RARB: variants seen among roughly 807,000 people sequenced by gnomAD.
The protein encoded by RARB is HBV-activated protein.
Under a neutral mutation model 51.9 loss-of-function variants are expected in RARB, and 17 were observed. That is an observed-to-expected ratio of 0.33 (90% CI 0.22 to 0.49). RARB has a LOEUF of 0.49. Ranked by LOEUF, RARB falls within the 20% of genes least tolerant of loss-of-function variation. RARB has a pLI of 0.99. For synonymous variants in RARB, 215 were observed against 195.4 expected (o/e 1.10, Z -0.84); for missense variants, 369 against 550.8 (o/e 0.67, Z 3.30).
intron 4 of RARB, among the ~76,000 whole-genome samples, chr3:25,136,261 G>A (rs1052028936): frequency 1.3e-5 from 2 of 151,994 alleles, no homozygotes; most frequent in African/African-American, 4.8e-5. Context: ...TGTGCAGGTT[G>A]AATTGCGTGA....
At chr3:24,934,572 T>TG (rs1299457894) in intron 2 of RARB, among the ~76,000 whole-genome samples, 1 of 152,120 alleles carries the variant, frequency 6.6e-6, no homozygotes, top group East Asian at 1.9e-4. Flanking sequence ...TCTGTCCTTT[T>TG]GTAGTTTTAT....
At chr3:24,842,804 G>T (rs1162524271) in intron 1 of RARB, among the ~76,000 whole-genome samples, 1 of 152,144 alleles carries the variant, frequency 6.6e-6, no homozygotes, top group South Asian at 2.1e-4. Context: ...ATTGATTAGA[G>T]GAAACAATAA....
intron 3 of RARB, among the ~76,000 whole-genome samples, chr3:25,065,516 G>C (rs1319957608): frequency 3.3e-5 from 5 of 152,184 alleles, no homozygotes; most frequent in African/African-American, 4.8e-5. Context: ...ATTTTCACTA[G>C]ATGTGCCACA....
exon 5 of RARB, chr3:25,174,565 G>A (rs368324313): frequency 2.2e-5 from 30 of 1,351,960 alleles, no homozygotes; most frequent in African/African-American, 3.0e-5. Flanking sequence ...GCAGCACCCC[G>A]TCGCCGGCAA....
At chr3:24,980,375 G>C (rs78500186) in intron 2 of RARB, among the ~76,000 whole-genome samples, 2 of 152,092 alleles carry the variant, frequency 1.3e-5, no homozygotes, top group African/African-American at 4.8e-5. Flanking sequence ...TTTCTAACTT[G>C]GTTCCATTCT....
intron 5 of RARB, among the ~76,000 whole-genome samples, chr3:25,343,763 T>TC (rs1705304037): frequency 6.6e-6 from 1 of 152,130 alleles, no homozygotes; most frequent in South Asian, 2.1e-4. Flanking sequence ...GACAAAAAAA[T>TC]CAGGGAATAA....
At chr3:25,031,580 A>AT in intron 2 of RARB, among the ~76,000 whole-genome samples, 1 of 152,254 alleles carries the variant, frequency 6.6e-6, no homozygotes, top group East Asian at 1.9e-4. Context: ...AAGTAGATTC[A>AT]TTTATGCCCA....
chr3:25,165,686 C>T (rs75767138), intron 4 of RARB, among the ~76,000 whole-genome samples: 3,798 of 152,198 alleles, frequency 0.025, 147 homozygotes, highest in South Asian at 0.15. Context: ...TTATACCTTA[C>T]GTTTGGGAAT....
chr3:25,035,218 T>C (rs1229817759), intron 2 of RARB, among the ~76,000 whole-genome samples: 4 of 152,078 alleles, frequency 2.6e-5, no homozygotes, highest in African/African-American at 7.2e-5. Flanking sequence ...GACTCCTGCA[T>C]TCAAGCAATC....
intron 2 of RARB, among the ~76,000 whole-genome samples, chr3:24,998,821 C>CAAA (rs10631179): frequency 0.78 from 118,736 of 151,676 alleles, 46,844 homozygotes; most frequent in East Asian, 0.94. Context: ...AATAGTGTTT[C>CAAA]AAACTTGGTT....
Position 25,569,937 on chromosome 3 carries a change from C to A in RARB, c.609+19C>A, listed in dbSNP as rs371805717. The A allele has an allele frequency of 3.0e-5, 48 of 1,609,798 alleles. No individual in the cohort carries two copies. Among genetic ancestry groups the A allele is most frequent in the Non-Finnish European group, 4.0e-5 (47 of 1,177,786 alleles). ...CACCACGGTAAGAGATACTCCTGCC[C>A]CAGGCTGCTGGGAGTGTGGAAACCT... On this transcript the variant is annotated intron_variant, in intron 4 of 7. Transcript: ENST00000330688.
chr3:24,936,052 A>T (rs1039091720), intron 2 of RARB, among the ~76,000 whole-genome samples: 9 of 152,136 alleles, frequency 5.9e-5, no homozygotes, highest in African/African-American at 2.2e-4. Flanking sequence ...GTTGCTGAGG[A>T]TCCAAAACAT....
At chr3:25,379,227 C>A (rs1463055417) in intron 5 of RARB, among the ~76,000 whole-genome samples, 2 of 152,096 alleles carry the variant, frequency 1.3e-5, no homozygotes, top group Non-Finnish European at 2.9e-5. Flanking sequence ...AACCCCATGC[C>A]AGAGCATACT....
intron 2 of RARB, among the ~76,000 whole-genome samples, chr3:24,920,654 A>G (rs913304548): frequency 2.0e-5 from 3 of 152,088 alleles, no homozygotes; most frequent in South Asian, 4.2e-4. Flanking sequence ...CTGACTCTCA[A>G]TTTTGTTTTT....
intron 2 of RARB, among the ~76,000 whole-genome samples, chr3:24,998,803 G>C (rs1697097876): frequency 9.7e-6 from 1 of 103,308 alleles, no homozygotes; most frequent in Admixed American, 1.1e-4. Context: ...AATTCCTGTA[G>C]ATATTGTAAT....
chr3:25,113,685 A>AG (rs1699640320), intron 3 of RARB, among the ~76,000 whole-genome samples: 2 of 152,148 alleles, frequency 1.3e-5, no homozygotes, highest in Admixed American at 6.6e-5. Context: ...GGTTTTGCAG[A>AG]CAGTCCTGAC....
intron 2 of RARB, among the ~76,000 whole-genome samples, chr3:24,911,234 A>G (rs999505832): frequency 2.6e-5 from 4 of 152,222 alleles, no homozygotes; most frequent in Admixed American, 2.0e-4. Flanking sequence ...ACTCAGTAAA[A>G]GAGAATTAGA....
intron 3 of RARB, among the ~76,000 whole-genome samples, chr3:25,568,229 T>A (rs1232099222): frequency 6.6e-6 from 1 of 152,160 alleles, no homozygotes; most frequent in Non-Finnish European, 1.5e-5. Flanking sequence ...GACCTGTTGG[T>A]TTCCTTAGGA....
chr3:25,478,417 G>T lies in RARB; in HGVS notation c.306+17076G>T, dbSNP rs946811984. 2.0e-5 allele frequency among the ~76,000 whole-genome samples: 3 copies of T among 152,192 alleles called. No individual in the cohort carries two copies. The South Asian group carries it at 6.2e-4, about 31-fold the overall frequency. The stretch of plus-strand genomic sequence containing the variant: ...GCAGGTGGCTTGTTCTTGAGAGCCT[G>T]TTGTAGGAAAAATATGCATCTCTGT... On this transcript the variant is annotated intron_variant, in intron 2 of 7. Transcript: ENST00000330688.
Sources: allele counts gnomAD v4.1 joint callset (sites outside exome capture counted in the v4.1 genomes callset), GRCh38; gene constraint gnomAD v4.1.1; transcripts MANE v1.5; gene names NCBI Gene and HGNC (gene_info 2026-07-23, HGNC 2026-07-21).